EYA1: variants seen among roughly 807,000 people sequenced by gnomAD.
The protein encoded by EYA1 is EYA transcriptional coactivator and phosphatase 1.
In EYA1, 16 loss-of-function variants were observed where a neutral mutation model predicts 82.0. That is an observed-to-expected ratio of 0.20 (90% CI 0.13 to 0.30). The LOEUF is 0.30. Among genes scored for constraint, EYA1 ranks in the 10% least tolerant of loss-of-function variants. EYA1 has a pLI of 1.00. For missense variants in EYA1, 633 were observed against 730.7 expected (o/e 0.87, Z 1.54); for synonymous variants, 261 against 264.4 (o/e 0.99, Z 0.12).
intron 7 of EYA1, among the ~76,000 whole-genome samples, chr8:71,300,456 C>T (rs567941348): frequency 1.4e-3 from 206 of 151,944 alleles, no homozygotes; most frequent in African/African-American, 4.7e-3. Context: ...ATCATATTGG[C>T]GAAAATTTTT....
intron 2 of EYA1, among the ~76,000 whole-genome samples, chr8:71,463,897 C>T (rs1318304953): frequency 6.6e-6 from 1 of 151,922 alleles, no homozygotes; most frequent in Non-Finnish European, 1.5e-5. Flanking sequence ...GGAGCTTTCT[C>T]GCCTTCACAT....
intron 3 of EYA1, among the ~76,000 whole-genome samples, chr8:71,340,446 C>G (rs745442432): frequency 6.6e-6 from 1 of 152,104 alleles, no homozygotes; most frequent in Non-Finnish European, 1.5e-5. Flanking sequence ...TCATTTAAAC[C>G]AACTGGCATC....
chr8:71,354,766 G>A lies in EYA1; in HGVS notation c.124+16C>T, dbSNP rs1826683909. The A allele has an allele frequency of 1.9e-6, 3 of 1,611,616 alleles. No individual in the cohort carries two copies. The highest frequency in any genetic ancestry group is 2.5e-6 in the Non-Finnish European group (3 of 1,178,330). On this transcript the variant is annotated intron_variant, in intron 3 of 17. Transcript: ENST00000340726. The stretch of plus-strand genomic sequence containing the variant: ...AAACAAGGTGCAAAGTAAATAGTGA[G>A]AAGGCAGACACTCACCTTCGGTGCC...
intron 2 of EYA1, among the ~76,000 whole-genome samples, chr8:71,465,317 A>G (rs2129195060): frequency 6.6e-6 from 1 of 152,320 alleles, no homozygotes; most frequent in Admixed American, 6.5e-5. Context: ...ACGCCATCAA[A>G]GAAATTGGTT....
chr8:71,274,166 G>GA (rs551644402), intron 9 of EYA1, among the ~76,000 whole-genome samples: 6 of 152,012 alleles, frequency 3.9e-5, no homozygotes, highest in East Asian at 1.9e-4. Flanking sequence ...CAGGTAAAGG[G>GA]AAAAAAACCC....
chr8:71,210,048 G>C (rs540011583), intron 17 of EYA1, among the ~76,000 whole-genome samples: 5 of 152,002 alleles, frequency 3.3e-5, no homozygotes, highest in Non-Finnish European at 7.4e-5. Context: ...CCTCAAACTA[G>C]CCCAATGAGC....
At chr8:71,528,530 G>A (rs536738306) in intron 2 of EYA1, among the ~76,000 whole-genome samples, 5 of 152,272 alleles carry the variant, frequency 3.3e-5, no homozygotes, top group African/African-American at 9.6e-5. Context: ...CTGTGCCCAA[G>A]CCAGCCTTGC....
intron 1 of EYA1, among the ~76,000 whole-genome samples, chr8:71,544,219 GAGAAA>G (rs1380708151): frequency 1.3e-5 from 2 of 152,282 alleles, no homozygotes; most frequent in East Asian, 3.9e-4. Flanking sequence ...TCAATACTAT[GAGAAA>G]AGAGTTAATG....
At chr8:71,246,408 C>T (rs1411260253) in intron 11 of EYA1, among the ~76,000 whole-genome samples, 1 of 152,182 alleles carries the variant, frequency 6.6e-6, no homozygotes, top group African/African-American at 2.4e-5. Context: ...CAAGAACATA[C>T]AATCCAAAGA....
intron 7 of EYA1, among the ~76,000 whole-genome samples, chr8:71,305,205 T>C (rs1820593039): frequency 7.0e-6 from 1 of 143,122 alleles, no homozygotes; most frequent in Admixed American, 6.9e-5. Context: ...TAGAAACAAA[T>C]GACTTTACAT....
intron 2 of EYA1, among the ~76,000 whole-genome samples, chr8:71,484,102 A>C (rs1330872439): frequency 2.6e-5 from 4 of 152,216 alleles, no homozygotes; most frequent in African/African-American, 9.6e-5. Flanking sequence ...AAGGTAATAT[A>C]GCAGGATAGC....
chr8:71,455,959 G>C (rs1279711200), intron 2 of EYA1, among the ~76,000 whole-genome samples: 1 of 152,196 alleles, frequency 6.6e-6, no homozygotes. Flanking sequence ...AAAAGAGGAA[G>C]TCAAATTGTC....
chr8:71,404,175 T>C (rs1830096682), intron 2 of EYA1: 1 of 152,132 alleles, frequency 6.6e-6, no homozygotes, highest in Non-Finnish European at 1.5e-5. Flanking sequence ...AGTGATCTCA[T>C]CAGAAATGCA....
chr8:71,411,389 T>C (rs1161672917), intron 2 of EYA1, among the ~76,000 whole-genome samples: 2 of 50,310 alleles, frequency 4.0e-5, no homozygotes, highest in Non-Finnish European at 3.7e-5. Context: ...TGGGATCTAA[T>C]TAAACTAAAG....
intron 1 of EYA1, among the ~76,000 whole-genome samples, chr8:71,536,862 C>G (rs2129289014): frequency 6.6e-6 from 1 of 152,344 alleles, no homozygotes; most frequent in African/African-American, 2.4e-5. Flanking sequence ...GGTTCTGACT[C>G]TGCCACTAAA....
intron 11 of EYA1, among the ~76,000 whole-genome samples, chr8:71,250,486 G>T (rs11994266): frequency 0.032 from 4,889 of 152,230 alleles, 231 homozygotes; most frequent in African/African-American, 0.1. Context: ...ATGTGTTCTT[G>T]TCTCGGCAGG....
At chr8:71,299,402 T>A (rs904082021) in intron 8 of EYA1, among the ~76,000 whole-genome samples, 169 bp from the exon 9 acceptor site, 1 of 152,234 alleles carries the variant, frequency 6.6e-6, no homozygotes, top group African/African-American at 2.4e-5. Context: ...ACAAATTTTA[T>A]GTAAGATTAT....
intron 2 of EYA1, among the ~76,000 whole-genome samples, chr8:71,450,484 A>T (rs1306584969): frequency 6.6e-6 from 1 of 152,254 alleles, no homozygotes; most frequent in Non-Finnish European, 1.5e-5. Flanking sequence ...TCATCGTCTT[A>T]TATGGGCATG....
intron 2 of EYA1, among the ~76,000 whole-genome samples, chr8:71,456,539 C>G (rs945857835): frequency 3.4e-4 from 51 of 151,994 alleles, no homozygotes; most frequent in Non-Finnish European, 4.3e-4. Flanking sequence ...AAACAGCATG[C>G]TACTGGTACC....
Sources: gnomAD v4.1 joint callset for allele counts (sites outside exome capture counted in the v4.1 genomes callset) on GRCh38, gnomAD v4.1.1 for gene constraint, MANE v1.5 for transcripts, NCBI Gene and HGNC (gene_info 2026-07-23, HGNC 2026-07-21) for gene names.